CHST11: variants seen among roughly 807,000 people sequenced by gnomAD.
CHST11 encodes C4S-1.
CHST11 carries 9 observed loss-of-function variants against 30.4 expected under a neutral mutation model. The ratio of observed to expected loss-of-function variants is 0.30; its 90% CI spans 0.18 to 0.52. The LOEUF is 0.52. Ranked by LOEUF, CHST11 falls within the 20% of genes least tolerant of loss-of-function variation. CHST11 has a pLI of 0.97. For missense variants in CHST11, 348 were observed against 460.6 expected, an observed-to-expected ratio of 0.76 and a Z score of 2.24; for synonymous variants, 152 against 187.8, an observed-to-expected ratio of 0.81 and a Z score of 1.56.
At chr12:104,687,931 G>GTGGCGGTTGT (rs1434084122) in intron 2 of CHST11, among the ~76,000 whole-genome samples, 1 of 152,208 alleles carries the variant, frequency 6.6e-6, no homozygotes, top group Non-Finnish European at 1.5e-5. Flanking sequence ...TTGGGTGAGG[G>GTGGCGGTTGT]TGGCGGTTGT....
intron 2 of CHST11, among the ~76,000 whole-genome samples, chr12:104,754,770 A>C (rs1446592365): frequency 2.6e-5 from 4 of 152,194 alleles, no homozygotes; most frequent in Non-Finnish European, 5.9e-5. Flanking sequence ...CAGTGAGAGA[A>C]TCACCATACT....
At chr12:104,609,082 G>A (rs1592791745) in intron 2 of CHST11, among the ~76,000 whole-genome samples, 1 of 152,364 alleles carries the variant, frequency 6.6e-6, no homozygotes, top group South Asian at 2.1e-4. Context: ...TGCTATTCAG[G>A]AAGAACGATG....
chr12:104,644,148 T>C (rs942941515), intron 2 of CHST11, among the ~76,000 whole-genome samples: 1 of 152,186 alleles, frequency 6.6e-6, no homozygotes, highest in Non-Finnish European at 1.5e-5. Flanking sequence ...ACTGTGCTTA[T>C]TGCTGCTCAG....
chr12:104,530,988 A>G (rs1294408270), intron 1 of CHST11, among the ~76,000 whole-genome samples: 1 of 152,104 alleles, frequency 6.6e-6, no homozygotes, highest in African/African-American at 2.4e-5. Flanking sequence ...GCCGGATGCC[A>G]CTCTGTCAGT....
At chr12:104,492,870 A>G (rs1359205936) in intron 1 of CHST11, among the ~76,000 whole-genome samples, 1 of 152,038 alleles carries the variant, frequency 6.6e-6, no homozygotes, top group East Asian at 1.9e-4. Flanking sequence ...CGTCTCTACT[A>G]AAAAATACAA....
intron 1 of CHST11, among the ~76,000 whole-genome samples, chr12:104,541,130 T>TCACACACACACACACACACACA (rs71069763): frequency 1.4e-5 from 2 of 146,576 alleles, no homozygotes; most frequent in African/African-American, 2.5e-5. Context: ...TCTCTCTCTC[T>TCACACACACACACACACACACA]CACACACACA....
chr12:104,473,860 A>T (rs2037532992), intron 1 of CHST11, among the ~76,000 whole-genome samples: 1 of 152,072 alleles, frequency 6.6e-6, no homozygotes, highest in Non-Finnish European at 1.5e-5. Flanking sequence ...GTTTTCTCAT[A>T]GGGGCATCTC....
chr12:104,746,296 A>G (rs1241541307), intron 2 of CHST11, among the ~76,000 whole-genome samples: 2 of 152,188 alleles, frequency 1.3e-5, no homozygotes, highest in African/African-American at 4.8e-5. Context: ...AGGTCACCCA[A>G]TATAAACCCT....
intron 1 of CHST11, among the ~76,000 whole-genome samples, chr12:104,511,509 G>A (rs1168524623): frequency 6.6e-6 from 1 of 152,248 alleles, no homozygotes; most frequent in Non-Finnish European, 1.5e-5. Context: ...TTGACAGTCA[G>A]TGGTATAGTT....
chr12:104,480,073 G>C (rs947296514), intron 1 of CHST11, among the ~76,000 whole-genome samples: 3 of 152,186 alleles, frequency 2.0e-5, no homozygotes, highest in Non-Finnish European at 4.4e-5. Flanking sequence ...GATATTGGGG[G>C]TCAACCAGGA....
At position 104,457,382 on chromosome 12, in the gene CHST11, C is replaced by T; in HGVS notation, c.-30C>T. The stretch of plus-strand genomic sequence containing the variant: ...CTGCGCCCCGGGCGCGCTTCCCGGA[C>T]ACCCCGGTCCCCGCAGCCAGGACAA... On this transcript the variant is annotated 5_prime_UTR_variant, in exon 1 of 3. Transcript: ENST00000303694. 1 of 1,559,238 alleles carries T rather than the reference C, an allele frequency of 6.4e-7. No homozygotes were observed. Among genetic ancestry groups the T allele is most frequent in the South Asian group, 1.1e-5 (1 of 89,836 alleles).
At chr12:104,718,088 G>A (rs1012139938) in intron 2 of CHST11, among the ~76,000 whole-genome samples, 1 of 152,156 alleles carries the variant, frequency 6.6e-6, no homozygotes, top group Non-Finnish European at 1.5e-5. Context: ...CCCACTCCTG[G>A]GCCCATCTTT....
chr12:104,562,214 G>A (rs1045804794), intron 1 of CHST11, among the ~76,000 whole-genome samples: 13 of 152,144 alleles, frequency 8.5e-5, no homozygotes, highest in African/African-American at 2.4e-4. Flanking sequence ...GGGTCACCAC[G>A]GAGGAGCCTG....
chr12:104,630,396 A>G (rs1460990760), intron 2 of CHST11, among the ~76,000 whole-genome samples: 1 of 152,222 alleles, frequency 6.6e-6, no homozygotes, highest in Non-Finnish European at 1.5e-5. Flanking sequence ...GCTTAAGACA[A>G]TTCCTGGCAG....
chr12:104,756,934 G>A lies in CHST11; in HGVS notation c.205-15G>A. On this transcript the variant is annotated splice_polypyrimidine_tract_variant and intron_variant, in intron 2 of 2. Coordinates refer to ENST00000303694, the MANE Select transcript of CHST11 (RefSeq NM_018413.6). ...CAAGTACTGAGTTCTTATTCGTCTT[G>A]TGTCTCCTCTGCAGCTGGAGCTCTC... The A allele has an allele frequency of 6.2e-7, 1 of 1,603,770 alleles. No homozygotes were observed. Among genetic ancestry groups the A allele is most frequent in the Non-Finnish European group, 8.5e-7 (1 of 1,174,566 alleles).
At chr12:104,514,360 C>A in intron 1 of CHST11, 1 of 927,804 alleles carries the variant, frequency 1.1e-6, no homozygotes, top group Non-Finnish European at 1.8e-6. Context: ...TTCTTCTATG[C>A]CATTCTGGGC....
chr12:104,751,418 A>G (rs1479271544), intron 2 of CHST11, among the ~76,000 whole-genome samples: 1 of 152,186 alleles, frequency 6.6e-6, no homozygotes, highest in African/African-American at 2.4e-5. Context: ...GCATTGTTCA[A>G]TAGCCCAAGA....
intron 2 of CHST11, among the ~76,000 whole-genome samples, chr12:104,702,799 C>T (rs537350130): frequency 5.3e-5 from 8 of 152,298 alleles, no homozygotes; most frequent in Admixed American, 2.6e-4. Context: ...AGTACCAATT[C>T]GACGTTTCTC....
Position 104,457,286 on chromosome 12 carries a change from C to G in CHST11, c.-126C>G. 1 of 628,764 alleles carries G rather than the reference C, an allele frequency of 1.6e-6. No individual in the cohort carries two copies. Among genetic ancestry groups the G allele is most frequent in the Non-Finnish European group, 2.8e-6 (1 of 359,526 alleles). The allele number at this position is 628,764 out of a possible 1,614,324, so 38.9% of individuals were successfully genotyped here. ...GAGCGGCCGCGAAGCGACTCCGATC[C>G]TCCCTCTGAGCCTTGCTCAGCTCTG... On this transcript the variant is annotated 5_prime_UTR_variant, in exon 1 of 3. Coordinates refer to ENST00000303694, the MANE Select transcript of CHST11 (RefSeq NM_018413.6).
Sources: gnomAD v4.1 joint callset for allele counts (sites outside exome capture counted in the v4.1 genomes callset) on GRCh38, gnomAD v4.1.1 for gene constraint, MANE v1.5 for transcripts, NCBI Gene and HGNC (gene_info 2026-07-23, HGNC 2026-07-21) for gene names.